The following NWD2 variants were observed in gnomAD, a reference collection of about 807,000 sequenced individuals.
NWD2 encodes the protein NACHT and WD repeat domain containing 2, also known as NACHT and WD repeat domain-containing protein 2.
NWD2 carries 37 observed loss-of-function variants against 132.7 expected under a neutral mutation model. The ratio of observed to expected loss-of-function variants is 0.28; its 90% confidence interval spans 0.21 to 0.37. The LOEUF is 0.37. Among genes scored for constraint, NWD2 ranks in the 10% least tolerant of loss-of-function variants. The probability of loss-of-function intolerance (pLI) is 1.00; values close to 1 mark genes in which losing one functional copy is unlikely to be tolerated. For missense variants in NWD2, 1,592 were observed against 2,122.4 expected, an observed-to-expected ratio of 0.75 and a Z score of 4.91; for synonymous variants, 705 against 803.0, an observed-to-expected ratio of 0.88 and a Z score of 2.06.
At chr4:37,275,205 T>A (rs1717982036) in intron 1 of NWD2, among the ~76,000 whole-genome samples, 1 of 152,220 alleles carries the variant, frequency 6.6e-6, no homozygotes, top group Non-Finnish European at 1.5e-5. Flanking sequence ...CAAAATCTCC[T>A]TATGCTGATA....
intron 3 of NWD2, among the ~76,000 whole-genome samples, chr4:37,389,922 A>G (rs1720646650): frequency 6.6e-6 from 1 of 152,094 alleles, no homozygotes. Flanking sequence ...CTGGGATTAC[A>G]GTCCCCACCA....
intron 1 of NWD2, among the ~76,000 whole-genome samples, chr4:37,322,495 G>T (rs899219954): frequency 1.3e-5 from 2 of 152,210 alleles, no homozygotes; most frequent in Non-Finnish European, 2.9e-5. Context: ...GAAAGCCAGT[G>T]CTTCTGGAGG....
At chr4:37,380,271 G>A (rs533414285) in intron 3 of NWD2, among the ~76,000 whole-genome samples, 1 of 152,274 alleles carries the variant, frequency 6.6e-6, no homozygotes, top group African/African-American at 2.4e-5. Flanking sequence ...ACCTAGGATT[G>A]GGGAAATTAC....
At chr4:37,298,357 A>C (rs1007748107) in intron 1 of NWD2, among the ~76,000 whole-genome samples, 2 of 152,118 alleles carry the variant, frequency 1.3e-5, no homozygotes, top group African/African-American at 4.8e-5. Context: ...ATTTGATTTC[A>C]TCAGTATCAC....
chr4:37,348,669 T>TACACACAC (rs1457233504), intron 2 of NWD2, among the ~76,000 whole-genome samples: 9 of 73,618 alleles, frequency 1.2e-4, no homozygotes, highest in African/African-American at 5.0e-4. Context: ...TATATATATA[T>TACACACAC]ATATATACAC....
At chr4:37,267,688 T>A (rs1717784806) in intron 1 of NWD2, among the ~76,000 whole-genome samples, 1 of 151,978 alleles carries the variant, frequency 6.6e-6, no homozygotes, top group Admixed American at 6.6e-5. Flanking sequence ...TTGGTCTTAA[T>A]GTGTTCTTTA....
chr4:37,308,100 A>G (rs1001907674), intron 1 of NWD2, among the ~76,000 whole-genome samples: 2 of 152,228 alleles, frequency 1.3e-5, no homozygotes, highest in South Asian at 2.1e-4. Flanking sequence ...TATTGCATCA[A>G]TTTCCTTTGC....
At chr4:37,432,225 C>T (rs1427273410) in intron 4 of NWD2, among the ~76,000 whole-genome samples, 2 of 152,092 alleles carry the variant, frequency 1.3e-5, no homozygotes, top group South Asian at 4.1e-4. Flanking sequence ...CTGTCCTCTA[C>T]AGCTTCTAAT....
At chr4:37,295,198 A>G (rs1160672172) in intron 1 of NWD2, among the ~76,000 whole-genome samples, 1 of 151,890 alleles carries the variant, frequency 6.6e-6, no homozygotes, top group East Asian at 1.9e-4. Flanking sequence ...TTTTTGTCAG[A>G]GTGTGTTGGT....
At chr4:37,268,893 C>A (rs1267411473) in intron 1 of NWD2, among the ~76,000 whole-genome samples, 2 of 151,748 alleles carry the variant, frequency 1.3e-5, no homozygotes, top group Non-Finnish European at 2.9e-5. Context: ...CATAGCCCAG[C>A]GGCATCTGAA....
chr4:37,409,630 C>G, intron 3 of NWD2, among the ~76,000 whole-genome samples: 1 of 152,064 alleles, frequency 6.6e-6, no homozygotes, highest in East Asian at 1.9e-4. Flanking sequence ...GGCAAGCCAA[C>G]GTTCAAATTC....
At chr4:37,371,164 G>C (rs1388626974) in intron 3 of NWD2, among the ~76,000 whole-genome samples, 1 of 133,522 alleles carries the variant, frequency 7.5e-6, no homozygotes, top group Admixed American at 9.3e-5. Flanking sequence ...TGCCATCTCT[G>C]CCTCCTGTGT....
chr4:37,274,944 C>T (rs1717973809), intron 1 of NWD2, among the ~76,000 whole-genome samples: 1 of 152,070 alleles, frequency 6.6e-6, no homozygotes, highest in South Asian at 2.1e-4. Flanking sequence ...ATAATAAGAG[C>T]TATCTATGAC....
chr4:37,283,568 G>T (rs1324356268), intron 1 of NWD2, among the ~76,000 whole-genome samples: 1 of 152,102 alleles, frequency 6.6e-6, no homozygotes, highest in Non-Finnish European at 1.5e-5. Flanking sequence ...TAAAAGCCTT[G>T]TACCGTTAGT....
chr4:37,271,114 C>T (rs965152066), intron 1 of NWD2, among the ~76,000 whole-genome samples: 3 of 151,784 alleles, frequency 2.0e-5, no homozygotes, highest in African/African-American at 7.2e-5. Flanking sequence ...TCTATCCTTA[C>T]TCCATTACCA....
rs1712396828 is a variant in NWD2 at position 37,438,853 on chromosome 4, A to G, written c.759A>G (p.Leu253=). 9.0e-6 allele frequency: 14 copies of G among 1,551,668 alleles called. No homozygotes were observed. The highest frequency in any genetic ancestry group is 1.1e-5 in the Non-Finnish European group (13 of 1,146,976). Reference sequence around the variant, plus strand: ...TGGGAAAACAAACTCCAGCATTTCTAAAGAAGTGTGTTTGCTACATTAGGA... The same window carrying G: ...TGGGAAAACAAACTCCAGCATTTCTGAAGAAGTGTGTTTGCTACATTAGGA... ...FALGKQTPAF[L]KKCVCYIRKI... The change falls in exon 6 of 7, where the codon CTA becomes CTG. Residue 253 remains leucine (L), a synonymous_variant. Coordinates refer to ENST00000309447, the MANE Select transcript of NWD2 (RefSeq NM_001144990.2).
At chr4:37,348,738 G>T (rs1719700494) in intron 2 of NWD2, among the ~76,000 whole-genome samples, 1 of 140,848 alleles carries the variant, frequency 7.1e-6, no homozygotes, top group African/African-American at 2.7e-5. Context: ...GAACATGCAG[G>T]TTTGTTACAT....
At chr4:37,441,194 A>G (rs1287217922) in intron 6 of NWD2, among the ~76,000 whole-genome samples, 1 of 152,226 alleles carries the variant, frequency 6.6e-6, no homozygotes, top group East Asian at 1.9e-4. Flanking sequence ...TTAATTAAGC[A>G]CCAGATGAAG....
chr4:37,272,845 T>C (rs1355647576), intron 1 of NWD2, among the ~76,000 whole-genome samples: 6 of 151,802 alleles, frequency 4.0e-5, no homozygotes, highest in African/African-American at 9.7e-5. Context: ...ACTTAGATTA[T>C]TGAGTGTAAA....
Sources: gnomAD v4.1 joint callset for allele counts (sites outside exome capture counted in the v4.1 genomes callset) on GRCh38, gnomAD v4.1.1 for gene constraint, MANE v1.5 for transcripts, NCBI Gene and HGNC (gene_info 2026-07-23, HGNC 2026-07-21) for gene names.